Variants in SLC44A1 observed in about 807,000 individuals in gnomAD.
SLC44A1 encodes choline transporter-like protein 1.
SLC44A1 carries 26 observed loss-of-function variants against 79.3 expected under a neutral mutation model. The observed-to-expected ratio is 0.33, with a 90% CI of 0.24 to 0.46. SLC44A1 has a LOEUF of 0.46. Ranked by LOEUF, SLC44A1 falls within the 20% of genes least tolerant of loss-of-function variation. SLC44A1 has a pLI of 1.00. For missense variants in SLC44A1, 688 were observed against 798.1 expected (o/e 0.86, Z 1.66); for synonymous variants, 263 against 286.2 (o/e 0.92, Z 0.82).
chr9:105,429,405 C>A (rs1309373483), intron 15 of SLC44A1, among the ~76,000 whole-genome samples: 1 of 152,198 alleles, frequency 6.6e-6, no homozygotes, highest in Non-Finnish European at 1.5e-5. Context: ...TTGGCTCAAG[C>A]CATCCTCCCA....
chr9:105,268,545 C>G (rs932740917), intron 1 of SLC44A1, among the ~76,000 whole-genome samples: 2 of 151,942 alleles, frequency 1.3e-5, no homozygotes, highest in Non-Finnish European at 2.9e-5. Flanking sequence ...CTCTTGTTGC[C>G]CAGGCTGGAA....
chr9:105,380,032 T>A (rs1428117430), intron 13 of SLC44A1, among the ~76,000 whole-genome samples: 1 of 152,192 alleles, frequency 6.6e-6, no homozygotes, highest in Non-Finnish European at 1.5e-5. Flanking sequence ...GTTGCACTTA[T>A]GATGGCAAGA....
chr9:105,384,847 A>C (rs1473227868), intron 14 of SLC44A1, among the ~76,000 whole-genome samples: 1 of 152,218 alleles, frequency 6.6e-6, no homozygotes, highest in Non-Finnish European at 1.5e-5. Context: ...TTCGACTACT[A>C]CTAACCATAG....
chr9:105,364,426 T>G, intron 9 of SLC44A1, 129 bp from the exon 10 acceptor site: 1 of 675,262 alleles, frequency 1.5e-6, no homozygotes, highest in East Asian at 2.6e-5. Context: ...TTTTTGTCCC[T>G]TTATGAAATA....
intron 2 of SLC44A1, among the ~76,000 whole-genome samples, chr9:105,303,585 A>G (rs1162540080): frequency 6.6e-6 from 1 of 152,238 alleles, no homozygotes; most frequent in South Asian, 2.1e-4. Context: ...GGACGTATAC[A>G]TTGTTGTTAT....
At chr9:105,248,367 G>C (rs1017951231) in intron 1 of SLC44A1, among the ~76,000 whole-genome samples, 25 of 152,212 alleles carry the variant, frequency 1.6e-4, no homozygotes, top group African/African-American at 6.0e-4. Flanking sequence ...GGCAGTGTCT[G>C]GGTATCATGA....
intron 3 of SLC44A1, among the ~76,000 whole-genome samples, chr9:105,323,639 C>T (rs1024318319): frequency 6.6e-6 from 1 of 152,168 alleles, no homozygotes; most frequent in Non-Finnish European, 1.5e-5. Context: ...ATCAAGGCTT[C>T]GTCCCTTTTT....
chr9:105,433,767 CAG>C (rs1051537439), intron 15 of SLC44A1, among the ~76,000 whole-genome samples: 1 of 152,154 alleles, frequency 6.6e-6, no homozygotes, highest in Non-Finnish European at 1.5e-5. Context: ...GATGCTCACA[CAG>C]GGGGTTCTCT....
intron 1 of SLC44A1, among the ~76,000 whole-genome samples, chr9:105,274,558 CTAAG>C (rs376401283): frequency 3.3e-5 from 5 of 152,324 alleles, no homozygotes; most frequent in African/African-American, 4.8e-5. Context: ...CTATTGTTAA[CTAAG>C]TGTTTCATGT....
At chr9:105,256,438 G>A (rs1829707811) in intron 1 of SLC44A1, among the ~76,000 whole-genome samples, 2 of 152,126 alleles carry the variant, frequency 1.3e-5, no homozygotes, top group Non-Finnish European at 2.9e-5. Context: ...CTTACCCAAA[G>A]TAAGTCCAGA....
chr9:105,390,039 G>C lies in SLC44A1; in HGVS notation c.*983G>C. 7.6e-7 allele frequency: 1 copy of C among 1,321,678 alleles called. No individual in the cohort carries two copies. The highest frequency in any genetic ancestry group is 1.5e-5 in the African/African-American group (1 of 66,570). The allele number at this position is 1,321,678 out of a possible 1,614,324, so 81.9% of individuals were successfully genotyped here. A position where few individuals can be genotyped will look rare whatever the true frequency, so the allele number is the denominator to read the frequency against. On this transcript the variant is annotated 3_prime_UTR_variant, in exon 16 of 16. Transcript: ENST00000374720. ...AAACGGCCATTTTATTCAAATGCTT[G>C]CTATACAATCTGAAAACACACTGGC...
At chr9:105,285,431 G>C (rs958892645) in intron 1 of SLC44A1, among the ~76,000 whole-genome samples, 31 of 152,160 alleles carry the variant, frequency 2.0e-4, no homozygotes, top group African/African-American at 6.8e-4. Context: ...TAATTTTCCT[G>C]TAAGAAAAAG....
chr9:105,436,318 C>A (rs1829463451), intron 15 of SLC44A1, among the ~76,000 whole-genome samples: 1 of 152,204 alleles, frequency 6.6e-6, no homozygotes, highest in South Asian at 2.1e-4. Flanking sequence ...ATGATCATAA[C>A]CAAGCAACAA....
intron 1 of SLC44A1, among the ~76,000 whole-genome samples, chr9:105,245,521 T>TC (rs1253881682): frequency 6.6e-6 from 1 of 151,894 alleles, no homozygotes; most frequent in African/African-American, 2.4e-5. Flanking sequence ...TTGCACCCCA[T>TC]CCCCCCTTAG....
chr9:105,414,144 C>T (rs1456507659), intron 15 of SLC44A1, among the ~76,000 whole-genome samples: 2 of 151,330 alleles, frequency 1.3e-5, no homozygotes, highest in Non-Finnish European at 2.9e-5. Context: ...CTCACTGCAA[C>T]CTCTGCCTCC....
intron 6 of SLC44A1, among the ~76,000 whole-genome samples, chr9:105,358,118 A>G (rs538415157): frequency 2.6e-5 from 4 of 152,130 alleles, no homozygotes; most frequent in Admixed American, 2.6e-4. Context: ...TTTTTTCTGT[A>G]GTTTATAAAC....
At chr9:105,267,596 G>A (rs1421784612) in intron 1 of SLC44A1, among the ~76,000 whole-genome samples, 1 of 151,958 alleles carries the variant, frequency 6.6e-6, no homozygotes, top group Non-Finnish European at 1.5e-5. Context: ...TTCCTAGTGG[G>A]TGCTTTTGTT....
intron 13 of SLC44A1, among the ~76,000 whole-genome samples, chr9:105,378,122 T>A (rs915099239): frequency 6.6e-6 from 1 of 152,174 alleles, no homozygotes; most frequent in Non-Finnish European, 1.5e-5. Context: ...TAGTGGTACA[T>A]GCCTGTAATC....
intron 15 of SLC44A1, among the ~76,000 whole-genome samples, chr9:105,407,578 G>A (rs1222815105): frequency 1.3e-5 from 2 of 152,144 alleles, no homozygotes; most frequent in Non-Finnish European, 2.9e-5. Flanking sequence ...CTGAAAGAAG[G>A]CCAGGCACAG....
Sources: gnomAD v4.1 joint callset for allele counts (sites outside exome capture counted in the v4.1 genomes callset) on GRCh38, gnomAD v4.1.1 for gene constraint, MANE v1.5 for transcripts, NCBI Gene and HGNC (gene_info 2026-07-23, HGNC 2026-07-21) for gene names.